CNTFR: variants seen among roughly 807,000 people sequenced by gnomAD.
CNTFR encodes the protein ciliary neurotrophic factor receptor subunit alpha.
CNTFR carries 12 observed loss-of-function variants against 40.4 expected under a neutral mutation model. The observed-to-expected ratio is 0.30, with a 90% CI of 0.19 to 0.48. CNTFR has a LOEUF of 0.48. Ranked by LOEUF, CNTFR falls within the 20% of genes least tolerant of loss-of-function variation. The pLI is 0.99. For missense variants in CNTFR, 414 were observed against 506.8 expected (o/e 0.82, Z 1.76); for synonymous variants, 202 against 209.6 (o/e 0.96, Z 0.31).
chr9:34,582,282 A>AAAAAAAAC (rs1417687041), intron 1 of CNTFR: 9 of 20,956 alleles, frequency 4.3e-4, no homozygotes, highest in African/African-American at 9.8e-4. Context: ...ATGGCAAAAA[A>AAAAAAAAC]AAAAAAAAAA....
intron 4 of CNTFR, among the ~76,000 whole-genome samples, chr9:34,562,324 T>C (rs1826108293): frequency 6.6e-6 from 1 of 152,216 alleles, no homozygotes; most frequent in African/African-American, 2.4e-5. Flanking sequence ...AGGCTGGTCC[T>C]GCATTTCTCA....
At chr9:34,559,275 G>A (rs954457153) in intron 4 of CNTFR, among the ~76,000 whole-genome samples, 5 of 152,182 alleles carry the variant, frequency 3.3e-5, no homozygotes, top group Non-Finnish European at 5.9e-5. Flanking sequence ...TTGCGTGTGC[G>A]TGTCCAGTAT....
intron 7 of CNTFR, among the ~76,000 whole-genome samples, chr9:34,553,726 C>A (rs1366073144): frequency 6.6e-6 from 1 of 152,228 alleles, no homozygotes; most frequent in African/African-American, 2.4e-5. Context: ...CTGCTGGTCT[C>A]CCCCAACCCT....
At chr9:34,558,413 C>T (rs1335481185) in intron 4 of CNTFR, among the ~76,000 whole-genome samples, 1 of 152,180 alleles carries the variant, frequency 6.6e-6, no homozygotes, top group Non-Finnish European at 1.5e-5. Context: ...GTATCGGGTG[C>T]ACTTCCTAGA....
chr9:34,588,749 C>T (rs927667134), intron 1 of CNTFR, among the ~76,000 whole-genome samples: 6 of 152,168 alleles, frequency 3.9e-5, no homozygotes, highest in African/African-American at 1.4e-4. Flanking sequence ...GGAGGAGAGG[C>T]TCGGGAGAGG....
At chr9:34,558,829 G>A (rs766375257) in intron 4 of CNTFR, among the ~76,000 whole-genome samples, 5 of 152,152 alleles carry the variant, frequency 3.3e-5, no homozygotes, top group African/African-American at 1.2e-4. Flanking sequence ...ACCTCTCAAG[G>A]TCAGACAGTA....
chr9:34,552,245 C>G lies in CNTFR; in HGVS notation c.1034G>C (p.Gly345Ala), dbSNP rs1234203324. Residue 345 changes from glycine (G) to alanine (A), a missense_variant, in exon 9 of 10, where the codon GGA becomes GCA. Transcript: ENST00000378980. The surrounding 1 kb of genome is among the most constrained non-coding windows in gnomAD (Gnocchi z 5.1). ...CDPGELGSGG[G>A]PSAPFLVSVP... ...GCTGACCAAGAAGGGTGCCGAGGGTCCCCCGCCGCTGCCCAGCTCCCCAGG... is the reference window on the plus strand; with the variant it reads ...GCTGACCAAGAAGGGTGCCGAGGGTGCCCCGCCGCTGCCCAGCTCCCCAGG... The G allele has an allele frequency of 6.4e-7, 1 of 1,554,986 alleles. No homozygotes were observed. Among genetic ancestry groups the G allele is most frequent in the South Asian group, 1.2e-5 (1 of 84,534 alleles).
chr9:34,587,236 T>G (rs1335895184), intron 1 of CNTFR, among the ~76,000 whole-genome samples: 1 of 152,138 alleles, frequency 6.6e-6, no homozygotes, highest in African/African-American at 2.4e-5. Context: ...TAAGTCTGAG[T>G]GTGAGACCCT....
In CNTFR at chr9:34,564,838, G is replaced by A. The variant is rs1339121162; in HGVS notation, c.86-6C>T. The A allele has an allele frequency of 5.0e-6, 8 of 1,611,674 alleles. No homozygotes were observed. In the Admixed American group the frequency reaches 1.3e-4, roughly 27 times the overall value. The stretch of plus-strand genomic sequence containing the variant: ...GTACTGCACATGGGGTGCCTCTGTG[G>A]GGGGTGGGGGCACAGGGCAAAAGTC... On this transcript the variant is annotated splice_polypyrimidine_tract_variant and splice_region_variant and intron_variant, in intron 3 of 9. Transcript: ENST00000378980.
At chr9:34,571,661 G>A (rs1826663021) in intron 2 of CNTFR, among the ~76,000 whole-genome samples, 2 of 152,130 alleles carry the variant, frequency 1.3e-5, no homozygotes, top group Admixed American at 1.3e-4. Context: ...GTTACTGTAA[G>A]GGCCGGGCCC....
intron 4 of CNTFR, among the ~76,000 whole-genome samples, chr9:34,558,207 C>T (rs528203869): frequency 6.6e-6 from 1 of 152,214 alleles, no homozygotes; most frequent in Non-Finnish European, 1.5e-5. Flanking sequence ...CGGAACCCCC[C>T]CTCCACCTGC....
In CNTFR at chr9:34,585,106, G is replaced by A. The variant is rs1261647958; in HGVS notation, c.-111-3901C>T. Among the ~76,000 whole-genome samples the A allele has an allele frequency of 2.0e-5, 3 of 152,262 alleles. No homozygotes were observed. In the East Asian group the frequency reaches 5.8e-4, roughly 29 times the overall value. ...GCCAGGCACATGGTCGTGCCCACAG[G>A]GAGCATTCGGTCCAATGAGACAGAA... On this transcript the variant is annotated intron_variant, in intron 1 of 9. Coordinates refer to ENST00000378980, the MANE Select transcript of CNTFR (RefSeq NM_147164.3).
At chr9:34,566,800 C>T (rs1208041033) in intron 3 of CNTFR, among the ~76,000 whole-genome samples, 4 of 152,114 alleles carry the variant, frequency 2.6e-5, no homozygotes, top group African/African-American at 4.8e-5. Flanking sequence ...ACACAGCAAC[C>T]GAACAACACA....
At chr9:34,576,470 C>G (rs140386551) in intron 2 of CNTFR, among the ~76,000 whole-genome samples, 2 of 152,352 alleles carry the variant, frequency 1.3e-5, no homozygotes, top group East Asian at 3.9e-4. Flanking sequence ...ACACCCTGAA[C>G]AGCCACACTG....
chr9:34,564,072 T>G (rs2132158020), intron 4 of CNTFR, among the ~76,000 whole-genome samples: 1 of 152,288 alleles, frequency 6.6e-6, no homozygotes, highest in South Asian at 2.1e-4. Context: ...AAATGATGTT[T>G]CAATGCGTCT....
At chr9:34,556,643 C>T (rs989226723) in intron 6 of CNTFR, among the ~76,000 whole-genome samples, 5 of 152,198 alleles carry the variant, frequency 3.3e-5, no homozygotes, top group African/African-American at 1.2e-4. Flanking sequence ...ACTACAGTCA[C>T]TGTCACCAAC....
rs770047753 is a variant in CNTFR at position 34,557,718 on chromosome 9, T to C, written c.438-26A>G. ...CTGGGGAGAGGTGAGACCCAGGCAC[T>C]GTTACGAACATCAAGGGTCAGGTGG... is the stretch of plus-strand genomic sequence containing the variant. On this transcript the variant is annotated intron_variant, in intron 5 of 9. Coordinates refer to ENST00000378980, the MANE Select transcript of CNTFR (RefSeq NM_147164.3). This position sits in a 1 kb window ranked among gnomAD's most constrained non-coding sequence, Gnocchi z 4.2. The C allele has an allele frequency of 6.2e-7, 1 of 1,613,608 alleles. No homozygotes were observed.
intron 6 of CNTFR, 109 bp from the exon 7 acceptor site, chr9:34,556,527 C>T: frequency 9.2e-7 from 1 of 1,081,176 alleles, no homozygotes; most frequent in South Asian, 1.6e-5. Context: ...TTGTCATCAA[C>T]ATCATAGTCA....
intron 7 of CNTFR, among the ~76,000 whole-genome samples, chr9:34,555,949 C>T (rs1425726388): frequency 3.1e-4 from 42 of 135,336 alleles, no homozygotes; most frequent in Non-Finnish European, 4.5e-4. Context: ...TCTCCCTCCC[C>T]CACCATCTCC....
Sources: gnomAD v4.1 joint callset for allele counts (sites outside exome capture counted in the v4.1 genomes callset) on GRCh38, gnomAD v4.1.1 for gene constraint, Gnocchi (gnomAD v3.1) non-coding constraint, MANE v1.5 for transcripts, NCBI Gene and HGNC (gene_info 2026-07-23, HGNC 2026-07-21) for gene names.